Variants in HNF4G observed in about 807,000 individuals in gnomAD.
HNF4G encodes hepatocyte nuclear factor 4-gamma.
Under a neutral mutation model 50.9 loss-of-function variants are expected in HNF4G, and 21 were observed. The ratio of observed to expected loss-of-function variants is 0.41; its 90% CI spans 0.29 to 0.59. HNF4G has a LOEUF of 0.59. Ranked by LOEUF, HNF4G falls within the 20% of genes least tolerant of loss-of-function variation. HNF4G has a pLI of 0.26. For missense variants in HNF4G, 527 were observed against 559.4 expected, an observed-to-expected ratio of 0.94 and a Z score of 0.58; for synonymous variants, 198 against 185.6, an observed-to-expected ratio of 1.07 and a Z score of -0.54.
At chr8:75,479,937 A>G (rs1300481850) in intron 1 of HNF4G, among the ~76,000 whole-genome samples, 2 of 152,044 alleles carry the variant, frequency 1.3e-5, no homozygotes, top group Admixed American at 1.3e-4. Context: ...TAGCAAAAAC[A>G]TATCACAAAG....
intron 2 of HNF4G, among the ~76,000 whole-genome samples, chr8:75,499,099 G>A (rs1812857517): frequency 6.6e-6 from 1 of 152,064 alleles, no homozygotes; most frequent in Non-Finnish European, 1.5e-5. Flanking sequence ...ATGTCAATTT[G>A]CAGATGACAT....
chr8:75,527,674 T>C (rs780237360), intron 2 of HNF4G, among the ~76,000 whole-genome samples: 4 of 152,212 alleles, frequency 2.6e-5, no homozygotes, highest in Non-Finnish European at 4.4e-5. Context: ...ACAATCAGAA[T>C]TCAAATAATT....
chr8:75,551,504 G>T lies in HNF4G; in HGVS notation c.489+10G>T, dbSNP rs758832956. Reference sequence around the variant, plus strand: ...AGTTCGGTCTCGCCAGGTACCTGTGGCACGGCAGCATCAAACCCTATTTAA... The same window carrying T: ...AGTTCGGTCTCGCCAGGTACCTGTGTCACGGCAGCATCAAACCCTATTTAA... On this transcript the variant is annotated intron_variant, in intron 4 of 9. Coordinates refer to ENST00000396423, the MANE Select transcript of HNF4G (RefSeq NM_004133.5). 1 of 1,454,016 alleles carries T rather than the reference G, an allele frequency of 6.9e-7. No individual in the cohort carries two copies. The highest frequency in any genetic ancestry group is 9.7e-7 in the Non-Finnish European group (1 of 1,034,498). 90.1% of individuals were successfully genotyped at this position (1,454,016 alleles called of 1,614,324 possible).
chr8:75,531,315 A>T (rs1806320755), intron 2 of HNF4G, among the ~76,000 whole-genome samples: 1 of 152,196 alleles, frequency 6.6e-6, no homozygotes, highest in East Asian at 1.9e-4. Context: ...TGAAAAAATA[A>T]AATTAAAAGA....
At chr8:75,459,842 A>G (rs1384657827) in intron 1 of HNF4G, among the ~76,000 whole-genome samples, 1 of 152,254 alleles carries the variant, frequency 6.6e-6, no homozygotes, top group South Asian at 2.1e-4. Context: ...AGTCCAAAAG[A>G]GTTGTTTTTC....
At chr8:75,487,429 T>C (rs1342848692) in intron 1 of HNF4G, among the ~76,000 whole-genome samples, 1 of 152,216 alleles carries the variant, frequency 6.6e-6, no homozygotes, top group African/African-American at 2.4e-5. Context: ...CAATCATTCA[T>C]GTAAACAAAT....
chr8:75,556,195 G>A (rs1437709209), intron 6 of HNF4G, 126 bp downstream of exon 6: 1 of 457,144 alleles, frequency 2.2e-6, no homozygotes, highest in South Asian at 6.7e-5. Flanking sequence ...CACTTCACAG[G>A]TTTAATTTAA....
intron 1 of HNF4G, among the ~76,000 whole-genome samples, chr8:75,434,050 C>G (rs1390851678): frequency 1.4e-5 from 2 of 144,400 alleles, no homozygotes; most frequent in African/African-American, 2.6e-5. Context: ...TGCCGCCAGG[C>G]TAGAGTGCAG....
chr8:75,413,134 C>A (rs1308155804), intron 1 of HNF4G, among the ~76,000 whole-genome samples: 1 of 151,602 alleles, frequency 6.6e-6, no homozygotes, highest in Non-Finnish European at 1.5e-5. Context: ...CAGATTCTAA[C>A]AATATTGAAT....
At chr8:75,441,550 A>G (rs1458178833) in intron 1 of HNF4G, among the ~76,000 whole-genome samples, 2 of 152,134 alleles carry the variant, frequency 1.3e-5, no homozygotes, top group Non-Finnish European at 2.9e-5. Context: ...CGGCCTTTAT[A>G]ACACATTTTT....
At chr8:75,456,532 C>A (rs1310837444) in intron 1 of HNF4G, among the ~76,000 whole-genome samples, 1 of 151,780 alleles carries the variant, frequency 6.6e-6, no homozygotes, top group Non-Finnish European at 1.5e-5. Flanking sequence ...CTTGTTTGGG[C>A]CATTTTTAAA....
chr8:75,440,183 C>G (rs999269376), intron 1 of HNF4G, among the ~76,000 whole-genome samples: 10 of 152,172 alleles, frequency 6.6e-5, no homozygotes, highest in African/African-American at 2.4e-4. Flanking sequence ...CCAGCCTATA[C>G]AGTTTACACA....
intron 8 of HNF4G, 130 bp from the exon 9 acceptor site, chr8:75,560,214 T>G (rs1334734646): frequency 1.2e-6 from 1 of 822,592 alleles, no homozygotes; most frequent in Admixed American, 2.4e-5. Flanking sequence ...TGTCAATTTA[T>G]TTTTGAATTC....
chr8:75,553,182 A>C lies in HNF4G; in HGVS notation c.630A>C (p.Leu210Phe). 1.2e-6 allele frequency: 2 copies of C among 1,612,498 alleles called. No homozygotes were observed. Among genetic ancestry groups the C allele is most frequent in the Non-Finnish European group, 1.7e-6 (2 of 1,179,012 alleles). Residue 210 changes from leucine (L) to phenylalanine (F), a missense_variant, in exon 5 of 10, where the codon TTA becomes TTC. Physicochemically the swap from Leu to Phe is conservative, Grantham distance 22. This residue lies in a region of HNF4G where 308 missense variants were observed against 301.5 expected (regional missense o/e 1.02). Coordinates refer to ENST00000396423, the MANE Select transcript of HNF4G (RefSeq NM_004133.5). ...AATATATTCCTGCCTTCTGTGAATT[A>C]CCATTGGATGATCAGGTACACATTT... ...WAKYIPAFCELPLDDQVALLR... is the reference protein window; with the variant it reads ...WAKYIPAFCEFPLDDQVALLR...
chr8:75,548,599 T>A (rs1383689401), intron 3 of HNF4G, among the ~76,000 whole-genome samples: 1 of 152,224 alleles, frequency 6.6e-6, no homozygotes, highest in African/African-American at 2.4e-5. Flanking sequence ...ACATTTTAAA[T>A]ATGATTAATT....
chr8:75,474,887 G>A (rs1285164257), intron 1 of HNF4G, among the ~76,000 whole-genome samples: 1 of 151,958 alleles, frequency 6.6e-6, no homozygotes, highest in East Asian at 1.9e-4. Flanking sequence ...TAGTAGATAC[G>A]AGGTGTCACC....
At chr8:75,455,708 A>G (rs1346273309) in intron 1 of HNF4G, among the ~76,000 whole-genome samples, 1 of 152,188 alleles carries the variant, frequency 6.6e-6, no homozygotes, top group African/African-American at 2.4e-5. Flanking sequence ...AACTCTTAAA[A>G]AGCTCATAGA....
upstream of HNF4G, among the ~76,000 whole-genome samples, chr8:75,538,952 G>C (rs949749954): frequency 2.6e-5 from 4 of 152,180 alleles, no homozygotes; most frequent in African/African-American, 9.7e-5. Context: ...AGGACATTCT[G>C]AATTTATAAT....
At chr8:75,513,519 T>C (rs908046706) in intron 2 of HNF4G, among the ~76,000 whole-genome samples, 1 of 152,192 alleles carries the variant, frequency 6.6e-6, no homozygotes, top group Non-Finnish European at 1.5e-5. Flanking sequence ...ATAATTCTTA[T>C]GTTTTGTTTG....
Sources: gnomAD v4.1 joint callset for allele counts (sites outside exome capture counted in the v4.1 genomes callset) on GRCh38, gnomAD v4.1.1 for gene constraint, gnomAD v4.1.1 regional missense constraint, MANE v1.5 for transcripts, NCBI Gene and HGNC (gene_info 2026-07-23, HGNC 2026-07-21) for gene names.